GEMIN5: variants seen among roughly 807,000 people sequenced by gnomAD.
GEMIN5 encodes gem nuclear organelle associated protein 5.
Under a neutral mutation model 176.9 loss-of-function variants are expected in GEMIN5, and 124 were observed. That is an observed-to-expected ratio of 0.70 (90% CI 0.61 to 0.81). GEMIN5 has a LOEUF of 0.81. Ranked by LOEUF, GEMIN5 falls within the 40% of genes least tolerant of loss-of-function variation. GEMIN5 has a pLI of 0.00. For missense variants in GEMIN5, 1,843 were observed against 1,814.6 expected (o/e 1.02, Z -0.28); for synonymous variants, 673 against 665.2 (o/e 1.01, Z -0.18).
chr5:154,896,418 C>T, intron 23 of GEMIN5, 75 bp from the exon 24 acceptor site: 1 of 1,420,404 alleles, frequency 7.0e-7, no homozygotes, highest in Non-Finnish European at 9.4e-7. Flanking sequence ...TCTCCCGTGT[C>T]CTTCAAAGTA....
chr5:154,898,334 C>T, intron 23 of GEMIN5, 106 bp downstream of exon 23: 1 of 992,696 alleles, frequency 1.0e-6, no homozygotes, highest in Non-Finnish European at 1.6e-6. Flanking sequence ...GCTGGGCCTG[C>T]CAAATTGGCA....
intron 10 of GEMIN5, among the ~76,000 whole-genome samples, chr5:154,921,097 TC>T (rs1449639785): frequency 6.6e-6 from 1 of 152,134 alleles, no homozygotes; most frequent in Non-Finnish European, 1.5e-5. Context: ...ATGAAAAATT[TC>T]AGATCAAATA....
chr5:154,923,591 TC>T (rs556751804), intron 9 of GEMIN5, among the ~76,000 whole-genome samples: 210 of 152,360 alleles, frequency 1.4e-3, no homozygotes, highest in African/African-American at 5.0e-3. Context: ...CAATAAAATT[TC>T]ACTTACAGAC....
At chr5:154,903,430 T>A (rs2113470040) in intron 18 of GEMIN5, among the ~76,000 whole-genome samples, 1 of 152,142 alleles carries the variant, frequency 6.6e-6, no homozygotes, top group South Asian at 2.1e-4. Context: ...CAAAAGAAAG[T>A]CCTTAATATT....
chr5:154,931,960 C>G, intron 4 of GEMIN5, 139 bp downstream of exon 4: 1 of 693,210 alleles, frequency 1.4e-6, no homozygotes, highest in Non-Finnish European at 2.4e-6. Context: ...TTGCGGTGAG[C>G]CGAGATCACG....
rs927309285 is a variant in GEMIN5, at chr5:154,938,207, G to A, written c.-74C>T. On this transcript the variant is annotated 5_prime_UTR_variant, in exon 1 of 28. Coordinates refer to ENST00000285873, the MANE Select transcript of GEMIN5 (RefSeq NM_015465.5). ...TAGCCTCACGCCTTAGGTAGGGAGC[G>A]GGGCGGGGTGAACTCCGAGCCCCGC... The A allele has an allele frequency of 9.9e-6, 12 of 1,209,670 alleles. No homozygotes were observed. The African/African-American group carries it at 1.4e-4, about 14-fold the overall frequency. The allele number at this position is 1,209,670 out of a possible 1,614,324, so 74.9% of individuals were successfully genotyped here. A position where few individuals can be genotyped will look rare whatever the true frequency, so the allele number is the denominator to read the frequency against.
In GEMIN5 at chr5:154,888,187, GTTTC is replaced by G; in HGVS notation, c.*19_*22del. The G allele has an allele frequency of 6.2e-7, 1 of 1,611,192 alleles. No individual in the cohort carries two copies. Among genetic ancestry groups the G allele is most frequent in the East Asian group, 2.2e-5 (1 of 44,862 alleles). On this transcript the variant is annotated 3_prime_UTR_variant, in exon 28 of 28. Transcript: ENST00000285873. ...GATGTCAAACATTTTCAATTTGGCAGTTTCTTCAAGGTGTGTGAAAATTCACATA... is the reference window on the plus strand; with the variant it reads ...GATGTCAAACATTTTCAATTTGGCAGTTCAAGGTGTGTGAAAATTCACATA...
Position 154,912,981 on chromosome 5 carries a change from T to C in GEMIN5, c.1913A>G (p.His638Arg). ...CGCCACACTGGTAATCTTGGCCGTA[T>C]GCCCTGAGAGGGTCCGGTAGGGCTC... Reference protein sequence around the residue: ...ITEPYRTLSGHTAKITSVAWS... With the variant: ...ITEPYRTLSGRTAKITSVAWS... Residue 638 changes from histidine to arginine, a missense_variant, in exon 14 of 28, where the codon CAT (histidine) becomes CGT (arginine). Transcript: ENST00000285873. 6.2e-7 allele frequency: 1 copy of C among 1,613,888 alleles called. No homozygotes were observed. Among genetic ancestry groups the C allele is most frequent in the Non-Finnish European group, 8.5e-7 (1 of 1,179,752 alleles).
intron 4 of GEMIN5, 68 bp downstream of exon 4, chr5:154,932,031 G>T: frequency 8.9e-7 from 1 of 1,120,198 alleles, no homozygotes; most frequent in Non-Finnish European, 1.3e-6. Flanking sequence ...AATAAAAAAT[G>T]ATATAATTGT....
chr5:154,911,710 T>TCTAG lies in GEMIN5; in HGVS notation c.2167+13_2167+16dup, dbSNP rs1293226383. 2 of 1,602,790 alleles carry TCTAG rather than the reference T, an allele frequency of 1.2e-6. No individual in the cohort carries two copies. Among genetic ancestry groups the TCTAG allele is most frequent in the Non-Finnish European group, 1.7e-6 (2 of 1,171,168 alleles). ...AAGGGAGAAAAAGAATTAGATAAGC[T>TCTAG]CTAGGTTCTGACTGACCTTGAGGAG... On this transcript the variant is annotated intron_variant, in intron 15 of 27. Transcript: ENST00000285873.
At chr5:154,908,961 T>C (rs1268443216) in intron 15 of GEMIN5, among the ~76,000 whole-genome samples, 4 of 152,118 alleles carry the variant, frequency 2.6e-5, no homozygotes, top group Non-Finnish European at 1.5e-5. Context: ...TTTTTCTTTT[T>C]TTCTCTTTTT....
At chr5:154,921,513 A>C in intron 9 of GEMIN5, 88 bp from the exon 10 acceptor site, 1 of 690,248 alleles carries the variant, frequency 1.4e-6, no homozygotes, top group Non-Finnish European at 2.6e-6. Flanking sequence ...AAAGGTCCCC[A>C]TTATAAACAT....
Position 154,891,696 on chromosome 5 carries a change from G to A in GEMIN5, c.3807C>T (p.Ala1269=). 6.2e-7 allele frequency: 1 copy of A among 1,610,074 alleles called. No homozygotes were observed. The highest frequency in any genetic ancestry group is 1.7e-4 in the Middle Eastern group (1 of 6,028). Residue 1269 remains alanine, a synonymous_variant, in exon 26 of 28, where the codon GCC becomes GCT. Transcript: ENST00000285873. The stretch of plus-strand genomic sequence containing the variant: ...CCTCCAAACTTTTGAAAGCTGGTGT[G>A]GCAGGGGATTGATGGTCCCCCAACT... ...RDKLGDHQSP[A]TPAFKSLEAF...
intron 15 of GEMIN5, among the ~76,000 whole-genome samples, chr5:154,909,928 G>A (rs956101738): frequency 6.6e-6 from 1 of 151,446 alleles, no homozygotes; most frequent in Admixed American, 6.6e-5. Flanking sequence ...GTAGTGAGCC[G>A]AGAGTGCACC....
In GEMIN5 at chr5:154,938,180, C is replaced by G; in HGVS notation, c.-47G>C. ...AGAGAAGCTGCCACAGCCGACCGCT[C>G]GTAGCCTCACGCCTTAGGTAGGGAG... On this transcript the variant is annotated 5_prime_UTR_variant, in exon 1 of 28. Coordinates refer to ENST00000285873, the MANE Select transcript of GEMIN5 (RefSeq NM_015465.5). 5.4e-6 allele frequency: 7 copies of G among 1,304,542 alleles called. No homozygotes were observed. Among genetic ancestry groups the G allele is most frequent in the Non-Finnish European group, 6.9e-6 (7 of 1,014,348 alleles). 80.8% of individuals were successfully genotyped at this position (1,304,542 alleles called of 1,614,324 possible).
At chr5:154,900,822 G>A (rs1377823710) in intron 21 of GEMIN5, among the ~76,000 whole-genome samples, 1 of 152,094 alleles carries the variant, frequency 6.6e-6, no homozygotes, top group Non-Finnish European at 1.5e-5. Context: ...AGGACTTGGA[G>A]ACATCTGAGT....
intron 16 of GEMIN5, among the ~76,000 whole-genome samples, chr5:154,907,194 G>C (rs142324271): frequency 1.0e-3 from 156 of 152,260 alleles, no homozygotes; most frequent in Non-Finnish European, 2.0e-3. Context: ...TTCCCACAGT[G>C]GTGGTAGCTT....
rs1280705705 is a variant in GEMIN5, at chr5:154,891,723, G to C, written c.3780C>G (p.Asp1260Glu). 6.3e-7 allele frequency: 1 copy of C among 1,597,208 alleles called. No homozygotes were observed. Among genetic ancestry groups the C allele is most frequent in the Non-Finnish European group, 8.5e-7 (1 of 1,175,260 alleles). Residue 1260 changes from aspartate to glutamate, a missense_variant, in exon 26 of 28, where the codon GAC (aspartate) becomes GAG (glutamate). Coordinates refer to ENST00000285873, the MANE Select transcript of GEMIN5 (RefSeq NM_015465.5). ...CAGGGGATTGATGGTCCCCCAACTT[G>C]TCTCTTAGGTGGTCACAGCCTAGGA... ...FLPDGCDHLR[D>E]KLGDHQSPAT...
In GEMIN5 at chr5:154,913,050, A is replaced by G; in HGVS notation, c.1856-12T>C. ...CTCAGGGCTGCTCTCTAAAAGGCAA[A>G]GGAAAGACATCACTGCTGCTACTAC... On this transcript the variant is annotated splice_polypyrimidine_tract_variant and intron_variant, in intron 13 of 27. Coordinates refer to ENST00000285873, the MANE Select transcript of GEMIN5 (RefSeq NM_015465.5). 1 of 1,597,306 alleles carries G rather than the reference A, an allele frequency of 6.3e-7. No individual in the cohort carries two copies. The highest frequency in any genetic ancestry group is 8.5e-7 in the Non-Finnish European group (1 of 1,171,538).
Sources: allele counts gnomAD v4.1 joint callset (sites outside exome capture counted in the v4.1 genomes callset), GRCh38; gene constraint gnomAD v4.1.1; transcripts MANE v1.5; gene names NCBI Gene and HGNC (gene_info 2026-07-23, HGNC 2026-07-21).